Variants in PRDM16 observed in about 807,000 individuals in gnomAD.
The protein encoded by PRDM16 is PR/SET domain 16, also known as histone-lysine N-methyltransferase PRDM16.
In PRDM16, 23 loss-of-function variants were observed where a neutral mutation model predicts 110.6. That is an observed-to-expected ratio of 0.21 (90% CI 0.15 to 0.29). PRDM16 has a LOEUF of 0.29. Among genes scored for constraint, PRDM16 ranks in the 10% least tolerant of loss-of-function variants. The probability of loss-of-function intolerance (pLI) is 1.00; values close to 1 mark genes in which losing one functional copy is unlikely to be tolerated. For synonymous variants in PRDM16, 799 were observed against 781.8 expected, an observed-to-expected ratio of 1.02 and a Z score of -0.37; for missense variants, 1,615 against 1,794.3, an observed-to-expected ratio of 0.90 and a Z score of 1.81.
At chr1:3,202,692 T>C (rs912448344) in intron 2 of PRDM16, among the ~76,000 whole-genome samples, 4 of 152,206 alleles carry the variant, frequency 2.6e-5, no homozygotes, top group African/African-American at 9.7e-5. Flanking sequence ...CGAAAAGCGA[T>C]GTGCAGGTTT....
intron 1 of PRDM16, among the ~76,000 whole-genome samples, chr1:3,153,708 G>A (rs1414612497): frequency 6.6e-6 from 1 of 152,220 alleles, no homozygotes; most frequent in East Asian, 1.9e-4. Context: ...GGGGTTTCAA[G>A]TACACATTTA....
At chr1:3,100,879 G>A (rs1351025617) in intron 1 of PRDM16, among the ~76,000 whole-genome samples, 12 of 152,224 alleles carry the variant, frequency 7.9e-5, no homozygotes, top group Non-Finnish European at 1.3e-4. Context: ...TACCCACGAC[G>A]GCTGTGCCGA....
intron 6 of PRDM16, among the ~76,000 whole-genome samples, 163 bp from the exon 7 acceptor site, chr1:3,404,576 G>A (rs1227424692): frequency 3.3e-5 from 5 of 152,196 alleles, no homozygotes; most frequent in African/African-American, 7.2e-5. Flanking sequence ...GCCCGGCCAC[G>A]GCAGAGAGGA....
At chr1:3,324,435 T>G (rs1641839705) in intron 3 of PRDM16, among the ~76,000 whole-genome samples, 1 of 152,222 alleles carries the variant, frequency 6.6e-6, no homozygotes, top group East Asian at 1.9e-4. Flanking sequence ...GCGATGCTCC[T>G]GGCTGGGCTC....
Position 3,180,921 on chromosome 1 carries a change from TACACACGCAGCCAC to T in PRDM16, c.38-5199_38-5186del, listed in dbSNP as rs1340832963. Among the ~76,000 whole-genome samples the T allele has an allele frequency of 1.0e-3, 147 of 146,940 alleles. 1 individual carries two copies. Among genetic ancestry groups the T allele is most frequent in the African/African-American group, 3.5e-3 (137 of 39,258 alleles). On this transcript the variant is annotated intron_variant, in intron 1 of 16. Transcript: ENST00000270722. ...ACACACGCAGTCTTACACGCAGCCT[TACACACGCAGCCAC>T]ACACGCAGCCTTACACACGCAGTCT...
chr1:3,293,492 G>A (rs1641022235), intron 3 of PRDM16, among the ~76,000 whole-genome samples: 2 of 152,218 alleles, frequency 1.3e-5, no homozygotes, highest in African/African-American at 2.4e-5. Context: ...ATGGCCAGGG[G>A]CAACGTTGGA....
chr1:3,301,901 C>T (rs1414796678), intron 3 of PRDM16, among the ~76,000 whole-genome samples: 10 of 152,170 alleles, frequency 6.6e-5, no homozygotes, highest in Admixed American at 2.6e-4. Context: ...AGGCCCTTCC[C>T]GTGGAAATCC....
In PRDM16 at chr1:3,362,510, G is replaced by A. The variant is rs1257203060; in HGVS notation, c.439-22642G>A. On this transcript the variant is annotated intron_variant, in intron 3 of 16. Transcript: ENST00000270722. ...GGCCAAGACAGCTCAGCAGGGTGGG[G>A]CTCGGGTGTCATCGGGGTCCACCAG... Among the ~76,000 whole-genome samples, 5 of 152,280 alleles carry A rather than the reference G, an allele frequency of 3.3e-5. No homozygotes were observed. The South Asian group carries it at 1.0e-3, about 32-fold the overall frequency.
chr1:3,147,856 A>G (rs78117481), intron 1 of PRDM16, among the ~76,000 whole-genome samples: 1,940 of 152,222 alleles, frequency 0.013, 76 homozygotes, highest in East Asian at 0.11. Flanking sequence ...GCAGGCTGAG[A>G]GCTGATACTG....
At chr1:3,181,490 C>CGGT (rs1557509390) in intron 1 of PRDM16, among the ~76,000 whole-genome samples, 229 of 21,968 alleles carry the variant, frequency 0.01, 110 homozygotes, top group Non-Finnish European at 0.02. Context: ...TTACACACAG[C>CGGT]CTTACGCATG....
rs1364381325 is a variant in PRDM16, at chr1:3,255,038, G to A, written c.438+10901G>A. On this transcript the variant is annotated intron_variant, in intron 3 of 16. Coordinates refer to ENST00000270722, the MANE Select transcript of PRDM16 (RefSeq NM_022114.4). This position sits in a 1 kb window ranked among gnomAD's most constrained non-coding sequence, Gnocchi z 4.7. ...ACTATCTGATCTTTGACAAACCTGA[G>A]AAAAACAAGCAATGGGGAAAGGATT... 6.6e-6 allele frequency among the ~76,000 whole-genome samples: 1 copy of A among 151,950 alleles called. No homozygotes were observed. Among genetic ancestry groups the A allele is most frequent in the Non-Finnish European group, 1.5e-5 (1 of 68,000 alleles).
At chr1:3,343,226 G>C (rs151005759) in intron 3 of PRDM16, among the ~76,000 whole-genome samples, 1 of 148,310 alleles carries the variant, frequency 6.7e-6, no homozygotes, top group Admixed American at 6.8e-5. Context: ...TGTGGATCTA[G>C]TATGCATTTC....
intron 7 of PRDM16, 102 bp downstream of exon 7, chr1:3,404,988 G>C (rs1643535751): frequency 1.6e-6 from 2 of 1,274,122 alleles, no homozygotes; most frequent in Non-Finnish European, 2.1e-6. Flanking sequence ...AATGTAGATG[G>C]AGTGCGGCAG....
chr1:3,354,395 G>C (rs1642552993), intron 3 of PRDM16, among the ~76,000 whole-genome samples: 1 of 151,006 alleles, frequency 6.6e-6, no homozygotes, highest in African/African-American at 2.5e-5. Flanking sequence ...AGGAGGCAGA[G>C]GTTTCAGTGA....
intron 4 of PRDM16, among the ~76,000 whole-genome samples, chr1:3,393,491 A>G (rs1292139720): frequency 1.3e-5 from 2 of 152,202 alleles, no homozygotes; most frequent in African/African-American, 2.4e-5. Context: ...AGCTGCAGTC[A>G]TAATTTATGA....
intron 12 of PRDM16, among the ~76,000 whole-genome samples, chr1:3,422,643 G>A (rs1251905124): frequency 1.3e-5 from 2 of 152,266 alleles, no homozygotes; most frequent in South Asian, 2.1e-4. Flanking sequence ...ATGCATTGGA[G>A]GGTGTAAAAT....
At chr1:3,162,740 C>G (rs1643910314) in intron 1 of PRDM16, among the ~76,000 whole-genome samples, 1 of 152,240 alleles carries the variant, frequency 6.6e-6, no homozygotes, top group African/African-American at 2.4e-5. Context: ...CCCTCCAGTC[C>G]TCCTGTGTGG....
rs1345053005 is a variant in PRDM16, at chr1:3,290,340, C to T, written c.438+46203C>T. The stretch of plus-strand genomic sequence containing the variant: ...GTCGCCCCTTCCATGCTCAAAATGG[C>T]TGGAAGAGGAGAGCCTCTCAGTATC... On this transcript the variant is annotated intron_variant, in intron 3 of 16. Transcript: ENST00000270722. This position sits in a 1 kb window ranked among gnomAD's most constrained non-coding sequence, Gnocchi z 4.8. Among the ~76,000 whole-genome samples, 1 of 152,154 alleles carries T rather than the reference C, an allele frequency of 6.6e-6. No homozygotes were observed. Among genetic ancestry groups the T allele is most frequent in the East Asian group, 1.9e-4 (1 of 5,182 alleles).
At chr1:3,270,368 TCAGGAGGAGGACAGC>T (rs1244215909) in intron 3 of PRDM16, among the ~76,000 whole-genome samples, 8 of 132,402 alleles carry the variant, frequency 6.0e-5, no homozygotes, top group Admixed American at 5.1e-4. Context: ...AGGAGGACAG[TCAGGAGGAGGACAGC>T]CAGGAGGAGG....
Sources: allele counts gnomAD v4.1 joint callset (sites outside exome capture counted in the v4.1 genomes callset), GRCh38; gene constraint gnomAD v4.1.1; non-coding constraint Gnocchi (gnomAD v3.1); transcripts MANE v1.5; gene names NCBI Gene and HGNC (gene_info 2026-07-23, HGNC 2026-07-21).